The following BRD10 variants were observed in gnomAD, a reference collection of about 807,000 sequenced individuals.
The protein encoded by BRD10 is bromodomain containing 10.
the BRD10 span, among the ~76,000 whole-genome samples, chr9:5,907,394 G>A: frequency 6.6e-6 from 1 of 152,150 alleles, no homozygotes; most frequent in East Asian, 1.9e-4. Flanking sequence ...ATTATTTATT[G>A]TATAGAGCTG....
chr9:5,908,881 G>C, the BRD10 span: 1 of 584,696 alleles, frequency 1.7e-6, no homozygotes, highest in Non-Finnish European at 3.0e-6. Flanking sequence ...CTAATCATGT[G>C]AGGAAATGAT....
At chr9:6,008,209 C>T in the BRD10 span, 2 of 979,950 alleles carry the variant, frequency 2.0e-6, no homozygotes, top group South Asian at 4.7e-5. Context: ...TCTCCTCTCC[C>T]CTCCCCGGAG....
chr9:5,968,366 G>A, the BRD10 span: 1 of 1,610,376 alleles, frequency 6.2e-7, no homozygotes, highest in Non-Finnish European at 8.5e-7. Context: ...TATTCTGGAA[G>A]CTTCACCGTA....
At chr9:5,903,776 C>T in the BRD10 span, among the ~76,000 whole-genome samples, 74 of 152,278 alleles carry the variant, frequency 4.9e-4, 1 homozygote, top group South Asian at 6.2e-3. Flanking sequence ...TGATAACTTT[C>T]CTTGAAATCT....
chr9:5,983,329 T>C, the BRD10 span, among the ~76,000 whole-genome samples: 2 of 152,250 alleles, frequency 1.3e-5, no homozygotes, highest in South Asian at 4.1e-4. Flanking sequence ...CTACAAGAAA[T>C]TTAACTGCTT....
At chr9:5,982,140 T>C in the BRD10 span, among the ~76,000 whole-genome samples, 13 of 152,180 alleles carry the variant, frequency 8.5e-5, no homozygotes, top group Non-Finnish European at 7.3e-5. Context: ...TACAAATATA[T>C]ACCTATGTAA....
the BRD10 span, among the ~76,000 whole-genome samples, chr9:5,949,275 C>T: frequency 6.6e-6 from 1 of 152,104 alleles, no homozygotes. Context: ...CAGAGAATCG[C>T]TTGAACCAGG....
At chr9:5,990,189 G>C in the BRD10 span, among the ~76,000 whole-genome samples, 1 of 152,240 alleles carries the variant, frequency 6.6e-6, no homozygotes, top group South Asian at 2.1e-4. Context: ...CCGGAAGTAA[G>C]GAATTGCGGA....
At chr9:5,996,365 C>T in the BRD10 span, among the ~76,000 whole-genome samples, 1 of 152,152 alleles carries the variant, frequency 6.6e-6, no homozygotes, top group Admixed American at 6.5e-5. Context: ...GTCACCCAGG[C>T]TGGAGTGCAA....
the BRD10 span, among the ~76,000 whole-genome samples, chr9:5,987,095 G>C: frequency 1.3e-5 from 2 of 152,104 alleles, 1 homozygote; most frequent in South Asian, 4.1e-4. Context: ...CTGTGCCTCA[G>C]GATAAATGCT....
At chr9:5,931,844 G>A in the BRD10 span, among the ~76,000 whole-genome samples, 2 of 152,160 alleles carry the variant, frequency 1.3e-5, no homozygotes, top group African/African-American at 4.8e-5. Context: ...AAGTTTTTAT[G>A]TTGCTCAAAA....
the BRD10 span, among the ~76,000 whole-genome samples, chr9:5,894,590 C>T: frequency 1.3e-5 from 2 of 152,138 alleles, no homozygotes; most frequent in East Asian, 1.9e-4. This position sits in a 1 kb window ranked among gnomAD's most constrained non-coding sequence, Gnocchi z 4.0. Flanking sequence ...ATACTCAGGC[C>T]TCTGAGGTCA....
chr9:5,991,527 A>C, the BRD10 span, among the ~76,000 whole-genome samples: 2 of 152,106 alleles, frequency 1.3e-5, 1 homozygote, highest in East Asian at 3.9e-4. Context: ...GTTCCAGACC[A>C]GCTTGGCCAA....
At chr9:5,914,441 T>TTTTC in the BRD10 span, among the ~76,000 whole-genome samples, 1 of 86,942 alleles carries the variant, frequency 1.2e-5, no homozygotes, top group Non-Finnish European at 2.4e-5. Context: ...TTTTTTTTTT[T>TTTTC]GAGACGGAGT....
the BRD10 span, chr9:5,920,134 T>C: frequency 5.6e-6 from 9 of 1,613,926 alleles, no homozygotes; most frequent in Non-Finnish European, 6.8e-6. Flanking sequence ...GTTGTAGAGG[T>C]TGGCCACTTA....
chr9:5,977,310 C>T, the BRD10 span, among the ~76,000 whole-genome samples: 1 of 152,158 alleles, frequency 6.6e-6, no homozygotes, highest in African/African-American at 2.4e-5. Context: ...AATCTAGCCT[C>T]AGACTATGAA....
At chr9:5,982,083 C>A in the BRD10 span, among the ~76,000 whole-genome samples, 1 of 151,510 alleles carries the variant, frequency 6.6e-6, no homozygotes, top group Non-Finnish European at 1.5e-5. Flanking sequence ...TTTAAGTTGC[C>A]AATTATATGA....
the BRD10 span, chr9:5,908,788 C>T: frequency 7.2e-7 from 1 of 1,385,500 alleles, no homozygotes; most frequent in Non-Finnish European, 1.0e-6. Flanking sequence ...ATCTAATGTT[C>T]TCCTTTGGAA....
the BRD10 span, among the ~76,000 whole-genome samples, chr9:5,880,893 T>C: frequency 2.0e-5 from 3 of 151,982 alleles, no homozygotes; most frequent in Non-Finnish European, 4.4e-5. Context: ...TTAGTAGACA[T>C]GGGGTTTCAT....
Sources: allele counts gnomAD v4.1 joint callset (sites outside exome capture counted in the v4.1 genomes callset), GRCh38; gene constraint gnomAD v4.1.1; non-coding constraint Gnocchi (gnomAD v3.1); transcripts MANE v1.5; gene names NCBI Gene and HGNC (gene_info 2026-07-23, HGNC 2026-07-21).